Variants in TENM2 observed in about 807,000 individuals in gnomAD.
The protein encoded by TENM2 is teneurin-2.
A neutral mutation model predicts 245.2 loss-of-function variants in TENM2; 52 were observed. That is an observed-to-expected ratio of 0.21 (90% CI 0.17 to 0.27). The LOEUF (loss-of-function observed/expected upper bound fraction) is 0.27, where lower values mean the gene tolerates loss of function less well. Among genes scored for constraint, TENM2 ranks in the 10% least tolerant of loss-of-function variants. The pLI, the probability that TENM2 is intolerant of heterozygous loss-of-function variation, is 1.00. For missense variants in TENM2, 3,046 were observed against 3,666.8 expected (o/e 0.83, Z 4.37); for synonymous variants, 1,363 against 1,438.9 (o/e 0.95, Z 1.19).
chr5:167,852,769 T>C (rs1223915764), intron 2 of TENM2, among the ~76,000 whole-genome samples: 1 of 152,178 alleles, frequency 6.6e-6, no homozygotes, highest in Non-Finnish European at 1.5e-5. Context: ...TGTGTACTCG[T>C]AGAATTCAAG....
At chr5:167,999,517 A>G (rs965655734) in intron 5 of TENM2, among the ~76,000 whole-genome samples, 1 of 152,240 alleles carries the variant, frequency 6.6e-6, no homozygotes, top group Non-Finnish European at 1.5e-5. Flanking sequence ...CTGTCAATTT[A>G]TGGGAAGACA....
intron 2 of TENM2, among the ~76,000 whole-genome samples, chr5:167,389,709 G>C (rs1761647417): frequency 1.3e-5 from 2 of 152,136 alleles, no homozygotes; most frequent in African/African-American, 4.8e-5. Flanking sequence ...ATGTGAAATT[G>C]CAATCCTTTT....
chr5:167,708,564 G>C (rs2150473690), intron 2 of TENM2, among the ~76,000 whole-genome samples: 1 of 152,218 alleles, frequency 6.6e-6, no homozygotes, highest in Middle Eastern at 3.4e-3. Context: ...TTCCACATGT[G>C]AGTCCCAGTT....
At chr5:167,785,856 T>G (rs11134470) in intron 2 of TENM2, among the ~76,000 whole-genome samples, 16,713 of 152,168 alleles carry the variant, frequency 0.11, 1,502 homozygotes, top group East Asian at 0.41. Context: ...ACAGTAAGTG[T>G]TAAATAATTT....
At chr5:167,925,174 A>G (rs1305588072) in intron 3 of TENM2, among the ~76,000 whole-genome samples, 3 of 152,236 alleles carry the variant, frequency 2.0e-5, no homozygotes, top group South Asian at 2.1e-4. Flanking sequence ...GCATCATACA[A>G]TAGAATACTA....
chr5:167,196,277 A>T, the TENM2 span, among the ~76,000 whole-genome samples: 1 of 151,960 alleles, frequency 6.6e-6, no homozygotes, highest in African/African-American at 2.4e-5. Context: ...AAAATAAAGA[A>T]TTATAGTATT....
At chr5:167,174,108 C>T in the TENM2 span, among the ~76,000 whole-genome samples, 7 of 149,412 alleles carry the variant, frequency 4.7e-5, no homozygotes, top group African/African-American at 1.2e-4. Context: ...TGAGTTTTCT[C>T]GTTTTTTTTT....
the TENM2 span, among the ~76,000 whole-genome samples, chr5:167,033,011 A>G: frequency 2.0e-5 from 3 of 152,180 alleles, no homozygotes; most frequent in African/African-American, 7.2e-5. Context: ...CGCAATACCA[A>G]GTAGGTTCAT....
chr5:167,224,526 T>C, the TENM2 span, among the ~76,000 whole-genome samples: 3 of 152,096 alleles, frequency 2.0e-5, no homozygotes, highest in Non-Finnish European at 4.4e-5. Flanking sequence ...CTGCATTTTC[T>C]ACTCTGTTCC....
intron 9 of TENM2, among the ~76,000 whole-genome samples, chr5:168,110,039 C>CTTT (rs5873091): frequency 1.6e-5 from 2 of 121,886 alleles, no homozygotes; most frequent in African/African-American, 6.1e-5. Flanking sequence ...AAGAACCCTT[C>CTTT]TTTTTTTTTT....
At chr5:167,779,790 A>T (rs1018800422) in intron 2 of TENM2, among the ~76,000 whole-genome samples, 2 of 152,182 alleles carry the variant, frequency 1.3e-5, no homozygotes, top group South Asian at 4.1e-4. Flanking sequence ...CATTGCAATC[A>T]TCTCCTATGG....
chr5:167,519,333 C>A (rs753370806), intron 2 of TENM2, among the ~76,000 whole-genome samples: 5 of 152,026 alleles, frequency 3.3e-5, no homozygotes, highest in Non-Finnish European at 5.9e-5. Context: ...AAATGTGTGT[C>A]GACCGGTTGA....
At chr5:167,791,238 A>G (rs182661883) in intron 2 of TENM2, among the ~76,000 whole-genome samples, 151 of 151,858 alleles carry the variant, frequency 9.9e-4, no homozygotes, top group African/African-American at 3.6e-3. Flanking sequence ...TTTCTCTCAT[A>G]CATTGTAAAC....
intron 2 of TENM2, among the ~76,000 whole-genome samples, chr5:167,470,704 C>T (rs912754601): frequency 5.3e-5 from 8 of 151,804 alleles, no homozygotes; most frequent in African/African-American, 1.9e-4. Flanking sequence ...CAAATCAAGA[C>T]CCTGGTATGC....
chr5:168,076,879 A>T (rs1791522412), intron 7 of TENM2, among the ~76,000 whole-genome samples: 1 of 152,120 alleles, frequency 6.6e-6, no homozygotes, highest in Non-Finnish European at 1.5e-5. Flanking sequence ...CTGTGAATAC[A>T]CACACACGTG....
At chr5:167,181,502 G>GTGTA in the TENM2 span, among the ~76,000 whole-genome samples, 4,116 of 144,030 alleles carry the variant, frequency 0.029, 334 homozygotes, top group East Asian at 0.3. Flanking sequence ...GTGTGTGTGT[G>GTGTA]TATGTGTATT....
intron 1 of TENM2, among the ~76,000 whole-genome samples, chr5:167,332,567 C>T (rs191000960): frequency 1.2e-4 from 19 of 152,242 alleles, no homozygotes; most frequent in African/African-American, 3.9e-4. Flanking sequence ...TGGCAGTGGA[C>T]GCTTGGCTCT....
chr5:167,153,207 TC>T, the TENM2 span, among the ~76,000 whole-genome samples: 1 of 151,188 alleles, frequency 6.6e-6, no homozygotes, highest in African/African-American at 2.4e-5. Context: ...ACCTTTTGAC[TC>T]CCCCCAAACT....
At chr5:167,802,415 C>G (rs1765851283) in intron 2 of TENM2, among the ~76,000 whole-genome samples, 2 of 152,096 alleles carry the variant, frequency 1.3e-5, no homozygotes, top group Non-Finnish European at 2.9e-5. Flanking sequence ...TCCCTATTAC[C>G]AGTTACTAGA....
Sources: gnomAD v4.1 joint callset for allele counts (sites outside exome capture counted in the v4.1 genomes callset) on GRCh38, gnomAD v4.1.1 for gene constraint, MANE v1.5 for transcripts, NCBI Gene and HGNC (gene_info 2026-07-23, HGNC 2026-07-21) for gene names.